RHOT1: variants seen among roughly 807,000 people sequenced by gnomAD.
RHOT1 encodes mitochondrial Rho GTPase 1.
Under a neutral mutation model 95.3 loss-of-function variants are expected in RHOT1, and 27 were observed. That is an observed-to-expected ratio of 0.28 (90% confidence interval 0.21 to 0.39). The LOEUF is 0.39. RHOT1 is among the 10% of genes least tolerant of loss of function. The probability of loss-of-function intolerance (pLI) is 1.00; values close to 1 mark genes in which losing one functional copy is unlikely to be tolerated. For synonymous variants in RHOT1, 227 were observed against 263.5 expected (o/e 0.86, Z 1.34); for missense variants, 578 against 786.7 (o/e 0.73, Z 3.17).
chr17:32,185,346 G>T (rs1192177277), intron 8 of RHOT1, among the ~76,000 whole-genome samples: 1 of 152,152 alleles, frequency 6.6e-6, no homozygotes, highest in African/African-American at 2.4e-5. Flanking sequence ...CCAACCTCAG[G>T]TGATCCTCCT....
rs765365204 is a variant in RHOT1, at chr17:32,175,270, T to G, written c.179-49T>G. The G allele has an allele frequency of 3.9e-6, 6 of 1,545,472 alleles. No individual in the cohort carries two copies. In the East Asian group the frequency reaches 1.4e-4, roughly 35 times the overall value. On this transcript the variant is annotated intron_variant, in intron 3 of 19. Coordinates refer to ENST00000545287, the MANE Select transcript of RHOT1 (RefSeq NM_001033566.3). ...ATAGAATTTAGCTTGGCCATTAGTT[T>G]TTATGAAAGTGTCTGCAATATGAAA...
intron 19 of RHOT1, among the ~76,000 whole-genome samples, chr17:32,223,373 G>T (rs2038946470): frequency 6.6e-6 from 1 of 151,374 alleles, no homozygotes; most frequent in South Asian, 2.1e-4. Context: ...ACCTAAACTA[G>T]ACAGTCTCTC....
At chr17:32,150,539 G>T (rs1275856227) in intron 1 of RHOT1, 14 of 1,518,290 alleles carry the variant, frequency 9.2e-6, no homozygotes, top group Non-Finnish European at 1.3e-5. Context: ...GTTTGTGTGG[G>T]AGATAGGCCT....
chr17:32,170,330 G>A lies in RHOT1; in HGVS notation c.38-713G>A, dbSNP rs143794832. 6.6e-3 allele frequency among the ~76,000 whole-genome samples: 1,005 copies of A among 152,078 alleles called. 19 individuals carry two copies. Among genetic ancestry groups the A allele is most frequent in the African/African-American group, 0.023 (941 of 41,500 alleles). On this transcript the variant is annotated intron_variant, in intron 1 of 19. Coordinates refer to ENST00000545287, the MANE Select transcript of RHOT1 (RefSeq NM_001033566.3). ...CTTTGGAGGCTAAGGCACGAGAATC[G>A]CATGAACCCAGGTGGTGGGGATTGC...
chr17:32,169,867 G>A (rs1415777912), intron 1 of RHOT1, among the ~76,000 whole-genome samples: 1 of 152,000 alleles, frequency 6.6e-6, no homozygotes, highest in African/African-American at 2.4e-5. Flanking sequence ...AAATTAGCTG[G>A]TTGTAGTGGC....
In RHOT1 at chr17:32,224,982, A is replaced by G; in HGVS notation, c.*249A>G. The G allele has an allele frequency of 3.6e-6, 1 of 277,662 alleles. No individual in the cohort carries two copies. Among genetic ancestry groups the G allele is most frequent in the Non-Finnish European group, 7.0e-6 (1 of 142,248 alleles). 17.2% of individuals were successfully genotyped at this position (277,662 alleles called of 1,614,324 possible). On this transcript the variant is annotated 3_prime_UTR_variant, in exon 20 of 20. Transcript: ENST00000545287. ...GGCCAAAAGGGAATATTTTGTAAAT[A>G]TATGTACATATTCAGGCAAGATATG...
chr17:32,199,374 C>G lies in RHOT1; in HGVS notation c.955-31C>G, dbSNP rs556734412. The G allele has an allele frequency of 1.8e-5, 29 of 1,587,046 alleles. No homozygotes were observed. In the East Asian group the frequency reaches 5.4e-4, roughly 30 times the overall value. On this transcript the variant is annotated intron_variant, in intron 12 of 19. Coordinates refer to ENST00000545287, the MANE Select transcript of RHOT1 (RefSeq NM_001033566.3). Reference sequence around the variant, plus strand: ...AGTTGGGAATTATTATCTTAGATATCTAAACATTCTGTATCCTTGTGTTTC... The same window carrying G: ...AGTTGGGAATTATTATCTTAGATATGTAAACATTCTGTATCCTTGTGTTTC...
chr17:32,220,839 C>A (rs2142966697), intron 19 of RHOT1, among the ~76,000 whole-genome samples: 2 of 149,334 alleles, frequency 1.3e-5, no homozygotes, highest in South Asian at 4.2e-4. Context: ...AAAGGAAATA[C>A]CTGACCTTTT....
intron 8 of RHOT1, among the ~76,000 whole-genome samples, chr17:32,189,335 C>T (rs1443294817): frequency 1.3e-5 from 2 of 152,090 alleles, no homozygotes; most frequent in African/African-American, 4.8e-5. Context: ...AACAAAAAAA[C>T]ACATAGATTC....
At chr17:32,205,471 T>A (rs2142872696) in intron 16 of RHOT1, among the ~76,000 whole-genome samples, 1 of 152,328 alleles carries the variant, frequency 6.6e-6, no homozygotes, top group African/African-American at 2.4e-5. Context: ...CTGAATCAAG[T>A]TTATTTAGCA....
At chr17:32,176,904 T>C (rs1334693925) in intron 6 of RHOT1, among the ~76,000 whole-genome samples, 1 of 152,164 alleles carries the variant, frequency 6.6e-6, no homozygotes, top group Non-Finnish European at 1.5e-5. Flanking sequence ...CAGACTAATA[T>C]CTATATATTG....
Position 32,172,171 on chromosome 17 carries a change from CAT to C in RHOT1, c.96+1071_96+1072del, listed in dbSNP as rs202122684. Among the ~76,000 whole-genome samples, 312 of 152,236 alleles carry C rather than the reference CAT, an allele frequency of 2.0e-3. 1 individual carries two copies. The highest frequency in any genetic ancestry group is 0.015 in the Admixed American group (223 of 15,284). ...TTGTTCAAATAGGAATTTGATGTAT[CAT>C]GTGATAGTGTTTTCAACATTTACAG... On this transcript the variant is annotated intron_variant, in intron 2 of 19. Coordinates refer to ENST00000545287, the MANE Select transcript of RHOT1 (RefSeq NM_001033566.3).
chr17:32,207,251 A>G, intron 17 of RHOT1: 1 of 410,076 alleles, frequency 2.4e-6, no homozygotes, highest in Non-Finnish European at 4.3e-6. Flanking sequence ...TGTGAGGTGC[A>G]TTCCTGATTG....
chr17:32,191,057 A>G (rs1190840980), intron 8 of RHOT1, among the ~76,000 whole-genome samples: 1 of 152,178 alleles, frequency 6.6e-6, no homozygotes, highest in African/African-American at 2.4e-5. Flanking sequence ...GGCCTCCCAA[A>G]GTGCTGGGAT....
At chr17:32,150,900 G>T (rs1349646050) in intron 1 of RHOT1, 1 of 1,545,864 alleles carries the variant, frequency 6.5e-7, no homozygotes, top group East Asian at 2.3e-5. Flanking sequence ...GGGATGTTCT[G>T]GGGGAGGTGG....
Position 32,168,462 on chromosome 17 carries a change from CAG to C in RHOT1, c.38-2580_38-2579del, listed in dbSNP as rs1442558048. ...TTTTTTAAAAACTGTTTTGTAGAGA[CAG>C]GGTGTCATTATGTTACCTAGGCTGG... On this transcript the variant is annotated intron_variant, in intron 1 of 19. Coordinates refer to ENST00000545287, the MANE Select transcript of RHOT1 (RefSeq NM_001033566.3). Among the ~76,000 whole-genome samples the C allele has an allele frequency of 3.9e-5, 6 of 152,046 alleles. No individual in the cohort carries two copies. The East Asian group carries it at 1.2e-3, about 29-fold the overall frequency.
chr17:32,198,683 C>T (rs1178106767), intron 11 of RHOT1, among the ~76,000 whole-genome samples: 1 of 151,856 alleles, frequency 6.6e-6, no homozygotes, highest in Non-Finnish European at 1.5e-5. Context: ...CACTGTAGCC[C>T]GGGCAGCAGA....
At chr17:32,161,803 T>C (rs1240797055) in intron 1 of RHOT1, among the ~76,000 whole-genome samples, 2 of 152,240 alleles carry the variant, frequency 1.3e-5, no homozygotes, top group African/African-American at 4.8e-5. Context: ...CACTTTGGCC[T>C]GACCAACCAC....
chr17:32,195,533 G>A (rs1405074089), intron 11 of RHOT1, among the ~76,000 whole-genome samples: 1 of 152,164 alleles, frequency 6.6e-6, no homozygotes, highest in African/African-American at 2.4e-5. Context: ...CCAGGGAAGC[G>A]AGCTTTTCAG....
Sources: gnomAD v4.1 joint callset for allele counts (sites outside exome capture counted in the v4.1 genomes callset) on GRCh38, gnomAD v4.1.1 for gene constraint, MANE v1.5 for transcripts, NCBI Gene and HGNC (gene_info 2026-07-23, HGNC 2026-07-21) for gene names.